The following SMG6 variants were observed in gnomAD, a reference collection of about 807,000 sequenced individuals.
SMG6 encodes the protein SMG6 nonsense mediated mRNA decay factor.
Under a neutral mutation model 142.2 loss-of-function variants are expected in SMG6, and 66 were observed. That is an observed-to-expected ratio of 0.46 (90% CI 0.38 to 0.57). SMG6 has a LOEUF of 0.57. Among genes scored for constraint, SMG6 ranks in the 20% least tolerant of loss-of-function variants. SMG6 has a pLI of 0.00. For synonymous variants in SMG6, 779 were observed against 702.4 expected, an observed-to-expected ratio of 1.11 and a Z score of -1.72; for missense variants, 1,793 against 1,832.0, an observed-to-expected ratio of 0.98 and a Z score of 0.39.
At chr17:2,110,021 G>A (rs2069266709) in intron 13 of SMG6, among the ~76,000 whole-genome samples, 1 of 148,642 alleles carries the variant, frequency 6.7e-6, no homozygotes, top group African/African-American at 2.5e-5. Context: ...GGCAGAGGTT[G>A]CAGTGAGCAG....
chr17:2,303,630 C>G lies in SMG6; in HGVS notation c.88+3G>C. ...GGCCCAGGAGCTGGGCGGCGCGACT[C>G]ACCTCTGCTCCCGGCCTGCGGGGCC... is the stretch of plus-strand genomic sequence containing the variant. On this transcript the variant is annotated splice_donor_region_variant and intron_variant, in intron 1 of 18. Coordinates refer to ENST00000263073, the MANE Select transcript of SMG6 (RefSeq NM_017575.5). 1 of 1,464,454 alleles carries G rather than the reference C, an allele frequency of 6.8e-7. No homozygotes were observed. Among genetic ancestry groups the G allele is most frequent in the South Asian group, 1.3e-5 (1 of 76,848 alleles). The allele number at this position is 1,464,454 out of a possible 1,614,324, so 90.7% of individuals were successfully genotyped here. A position where few individuals can be genotyped will look rare whatever the true frequency, so the allele number is the denominator to read the frequency against.
chr17:2,286,626 A>G (rs1305185318), intron 6 of SMG6, among the ~76,000 whole-genome samples: 2 of 152,178 alleles, frequency 1.3e-5, no homozygotes, highest in East Asian at 1.9e-4. Context: ...AGGCCTAAAT[A>G]TAAGAGGTAA....
chr17:2,190,021 C>T (rs1235569345), intron 10 of SMG6, among the ~76,000 whole-genome samples: 1 of 152,154 alleles, frequency 6.6e-6, no homozygotes, highest in Non-Finnish European at 1.5e-5. Context: ...GGCCCTAAAC[C>T]TCTGTTACAA....
intron 10 of SMG6, among the ~76,000 whole-genome samples, chr17:2,226,761 G>T (rs2073332557): frequency 6.6e-6 from 1 of 151,970 alleles, no homozygotes; most frequent in Non-Finnish European, 1.5e-5. Context: ...CAGGCGTGGT[G>T]GTGAGTACCT....
chr17:2,244,375 G>C (rs1365643882), intron 9 of SMG6, among the ~76,000 whole-genome samples: 1 of 152,198 alleles, frequency 6.6e-6, no homozygotes, highest in African/African-American at 2.4e-5. Context: ...GCAGAGGAAA[G>C]AGAAACCCAG....
At position 2,091,933 on chromosome 17, in the gene SMG6, T is replaced by C. The variant is rs370500194; in HGVS notation, c.3358-6032A>G. On this transcript the variant is annotated intron_variant, in intron 13 of 18. Transcript: ENST00000263073. ...TCCTGACCTCGTGATCCGCCCGCCT[T>C]GGCCAACCAAAGTGCTGGGATTACA... is the stretch of plus-strand genomic sequence containing the variant. 1.8e-4 allele frequency among the ~76,000 whole-genome samples: 27 copies of C among 151,904 alleles called. No individual in the cohort carries two copies. The South Asian group carries it at 3.3e-3, about 19-fold the overall frequency.
chr17:2,199,380 C>A (rs1485614712), intron 10 of SMG6, among the ~76,000 whole-genome samples: 2 of 151,808 alleles, frequency 1.3e-5, no homozygotes, highest in African/African-American at 4.8e-5. Context: ...TGCTTATAAT[C>A]CCAGCACTTT....
Position 2,127,293 on chromosome 17 carries a change from G to GA in SMG6, c.3358-41393dup. ...TAATGGTTACGGCGTTTGGAATGATGAAGAGTTCTGGAAATGGATAGTAGT... is the reference window on the plus strand; with the variant it reads ...TAATGGTTACGGCGTTTGGAATGATGAAAGAGTTCTGGAAATGGATAGTAGT... On this transcript the variant is annotated intron_variant, in intron 13 of 18. Coordinates refer to ENST00000263073, the MANE Select transcript of SMG6 (RefSeq NM_017575.5). 2 of 407,658 alleles carry GA rather than the reference G, an allele frequency of 4.9e-6. 1 individual carries two copies. The highest frequency in any genetic ancestry group is 4.3e-5 in the South Asian group (2 of 46,714). The allele number at this position is 407,658 out of a possible 1,614,324, so 25.3% of individuals were successfully genotyped here.
intron 14 of SMG6, among the ~76,000 whole-genome samples, chr17:2,082,479 G>A (rs909656201): frequency 3.9e-5 from 6 of 152,186 alleles, no homozygotes; most frequent in Admixed American, 2.0e-4. Context: ...AGCAGACCTC[G>A]CCCTGGTTTC....
intron 5 of SMG6, 54 bp from the exon 6 acceptor site, chr17:2,292,684 A>G: frequency 6.3e-7 from 1 of 1,585,874 alleles, no homozygotes; most frequent in South Asian, 1.1e-5. Flanking sequence ...CTTTTTCCCA[A>G]TTCATCCTGA....
rs534207649 is a variant in SMG6 at position 2,295,018 on chromosome 17, A to C, written c.2152-2041T>G. Among the ~76,000 whole-genome samples, 3 of 152,236 alleles carry C rather than the reference A, an allele frequency of 2.0e-5. No individual in the cohort carries two copies. In the South Asian group the frequency reaches 6.2e-4, roughly 32 times the overall value. ...CAGCCTCCTGAGTAGCTGGGATTAC[A>C]GGCATGCACCACCACACCCAGCTAA... is the stretch of plus-strand genomic sequence containing the variant. On this transcript the variant is annotated intron_variant, in intron 4 of 18. Transcript: ENST00000263073.
intron 14 of SMG6, among the ~76,000 whole-genome samples, chr17:2,084,216 AAG>A (rs1351254587): frequency 6.6e-6 from 1 of 152,176 alleles, no homozygotes; most frequent in Non-Finnish European, 1.5e-5. Context: ...GTGCGGGTGA[AAG>A]AGCTGACGGA....
intron 9 of SMG6, 64 bp from the exon 10 acceptor site, chr17:2,236,701 TCACACACACACACACACACACACA>T (rs71150853): frequency 1.4e-4 from 137 of 958,942 alleles, no homozygotes; most frequent in Middle Eastern, 3.8e-4. Context: ...TCACTCTGTC[TCACACACACACACACACACACACA>T]CACACACACA....
intron 8 of SMG6, among the ~76,000 whole-genome samples, chr17:2,273,657 T>C (rs1050598456): frequency 3.3e-5 from 5 of 151,228 alleles, no homozygotes; most frequent in Admixed American, 3.3e-4. Flanking sequence ...AAATAAATAT[T>C]AGCCAGGCGC....
chr17:2,292,794 C>T (rs216206), intron 5 of SMG6, 77 bp downstream of exon 5: 905,566 of 1,421,908 alleles, frequency 0.64, 292,738 homozygotes, highest in East Asian at 0.76. Context: ...ACAACACCCA[C>T]ATGGCCTACT....
intron 13 of SMG6, among the ~76,000 whole-genome samples, chr17:2,104,612 T>A (rs1040522359): frequency 1.5e-4 from 23 of 150,424 alleles, no homozygotes; most frequent in African/African-American, 5.2e-4. Context: ...CCTCTGCAAT[T>A]TTCATTGATC....
intron 13 of SMG6, among the ~76,000 whole-genome samples, chr17:2,162,221 A>G (rs2071200198): frequency 6.6e-6 from 1 of 152,202 alleles, no homozygotes; most frequent in Admixed American, 6.5e-5. Flanking sequence ...TCTGTTAAAA[A>G]GCAAAAATTG....
intron 13 of SMG6, among the ~76,000 whole-genome samples, chr17:2,141,432 CAGTTT>C (rs763603249): frequency 8.6e-4 from 131 of 152,248 alleles, no homozygotes; most frequent in Non-Finnish European, 1.5e-3. Context: ...AGGCTGTGTT[CAGTTT>C]GAGAAGGAAC....
At chr17:2,285,751 G>A (rs1342337620) in intron 6 of SMG6, among the ~76,000 whole-genome samples, 1 of 152,002 alleles carries the variant, frequency 6.6e-6, no homozygotes, top group East Asian at 1.9e-4. Context: ...TCAGCTCACT[G>A]CAAACTCCAC....
Sources: allele counts gnomAD v4.1 joint callset (sites outside exome capture counted in the v4.1 genomes callset), GRCh38; gene constraint gnomAD v4.1.1; transcripts MANE v1.5; gene names NCBI Gene and HGNC (gene_info 2026-07-23, HGNC 2026-07-21).